Variants in WWOX observed in about 807,000 individuals in gnomAD.
WWOX encodes the protein WW domain containing oxidoreductase.
A neutral mutation model predicts 46.2 loss-of-function variants in WWOX; 69 were observed. The observed-to-expected ratio is 1.49, with a 90% CI of 1.23 to 1.82. The LOEUF is 1.82. Among genes scored for constraint, WWOX ranks in the 40% most tolerant of loss-of-function variants. WWOX has a pLI of 0.00. For missense variants in WWOX, 919 were observed against 542.6 expected, an observed-to-expected ratio of 1.69 and a Z score of -6.89; for synonymous variants, 359 against 202.6, an observed-to-expected ratio of 1.77 and a Z score of -6.56.
chr16:78,328,859 TTTCTC>T (rs923977703), intron 5 of WWOX, among the ~76,000 whole-genome samples: 9 of 152,086 alleles, frequency 5.9e-5, no homozygotes, highest in South Asian at 2.1e-4. Context: ...TTTCTTTTCT[TTTCTC>T]TTCTCTTCTT....
At chr16:78,765,385 C>T (rs144249872) in intron 8 of WWOX, among the ~76,000 whole-genome samples, 10 of 152,260 alleles carry the variant, frequency 6.6e-5, no homozygotes, top group Middle Eastern at 3.4e-3. Flanking sequence ...GAAATTTCCA[C>T]GTAAGATTCG....
intron 8 of WWOX, among the ~76,000 whole-genome samples, chr16:78,693,466 TTTTCCACA>T (rs1174624587): frequency 6.6e-6 from 1 of 152,202 alleles, no homozygotes; most frequent in Non-Finnish European, 1.5e-5. Context: ...GCTTCTATTT[TTTTCCACA>T]TAATCCCTAA....
chr16:78,389,238 C>G (rs1446508260), intron 6 of WWOX, among the ~76,000 whole-genome samples: 3 of 152,250 alleles, frequency 2.0e-5, no homozygotes, highest in Non-Finnish European at 4.4e-5. Context: ...GGCTGCAACA[C>G]TAGCATTCAA....
At chr16:78,691,679 G>A (rs959923973) in intron 8 of WWOX, among the ~76,000 whole-genome samples, 13 of 152,164 alleles carry the variant, frequency 8.5e-5, no homozygotes, top group Admixed American at 5.2e-4. Context: ...CTGTACTCCA[G>A]CCTGGGCAAC....
At chr16:79,091,344 A>G (rs558594930) in intron 8 of WWOX, among the ~76,000 whole-genome samples, 2 of 152,000 alleles carry the variant, frequency 1.3e-5, no homozygotes, top group South Asian at 4.1e-4. Context: ...TTTTTTTGTA[A>G]TCTCATTCCT....
intron 8 of WWOX, chr16:78,552,084 A>G (rs965169121): frequency 3.9e-5 from 6 of 152,210 alleles, no homozygotes; most frequent in African/African-American, 1.4e-4. Context: ...CCCTCTGGAA[A>G]GAAAATGGTG....
chr16:78,671,876 A>C (rs1217938994), intron 8 of WWOX, among the ~76,000 whole-genome samples: 2 of 152,240 alleles, frequency 1.3e-5, no homozygotes, highest in African/African-American at 4.8e-5. Flanking sequence ...CATCTTAAAA[A>C]GTGGTGAGGT....
At chr16:78,384,219 T>C (rs2082014504) in intron 5 of WWOX, among the ~76,000 whole-genome samples, 1 of 152,178 alleles carries the variant, frequency 6.6e-6, no homozygotes, top group African/African-American at 2.4e-5. Flanking sequence ...CACAGCATAA[T>C]GAATGGCTGC....
At chr16:78,820,933 C>G (rs1428506259) in intron 8 of WWOX, among the ~76,000 whole-genome samples, 1 of 152,214 alleles carries the variant, frequency 6.6e-6, no homozygotes, top group Non-Finnish European at 1.5e-5. Flanking sequence ...ACCTTCTCCT[C>G]TGGCTTTGTG....
At chr16:78,383,010 A>C (rs540369658) in intron 5 of WWOX, among the ~76,000 whole-genome samples, 1 of 151,448 alleles carries the variant, frequency 6.6e-6, no homozygotes, top group African/African-American at 2.4e-5. Context: ...CAGGAGCAGG[A>C]GGACGAATAG....
chr16:78,567,273 C>A (rs529745884), intron 8 of WWOX, among the ~76,000 whole-genome samples: 3 of 151,958 alleles, frequency 2.0e-5, no homozygotes, highest in Non-Finnish European at 4.4e-5. Flanking sequence ...TGGTTGGGCG[C>A]GGTGGCTCAC....
intron 8 of WWOX, among the ~76,000 whole-genome samples, chr16:78,654,209 G>C (rs777551214): frequency 6.6e-6 from 1 of 151,298 alleles, no homozygotes; most frequent in African/African-American, 2.4e-5. Context: ...TGGGCGATTT[G>C]AATAGAGCTC....
intron 8 of WWOX, among the ~76,000 whole-genome samples, chr16:78,459,541 C>G (rs1259176521): frequency 6.6e-6 from 1 of 152,126 alleles, no homozygotes; most frequent in Non-Finnish European, 1.5e-5. Context: ...AAACTCTGTG[C>G]ACATGAATAT....
At position 78,786,185 on chromosome 16, in the gene WWOX, C is replaced by G. The variant is rs762736391; in HGVS notation, c.1056+353433C>G. 3.3e-5 allele frequency among the ~76,000 whole-genome samples: 5 copies of G among 152,242 alleles called. No individual in the cohort carries two copies. The South Asian group carries it at 1.0e-3, about 31-fold the overall frequency. ...TCCGCCTCCCAAAGTGCTGGGATTACAGGCGTGAGCCACCGCGCCTGGCCT... is the reference window on the plus strand; with the variant it reads ...TCCGCCTCCCAAAGTGCTGGGATTAGAGGCGTGAGCCACCGCGCCTGGCCT... On this transcript the variant is annotated intron_variant, in intron 8 of 8. Transcript: ENST00000566780.
intron 5 of WWOX, among the ~76,000 whole-genome samples, chr16:78,290,181 T>C (rs976401230): frequency 2.6e-5 from 4 of 152,148 alleles, no homozygotes; most frequent in African/African-American, 9.7e-5. Flanking sequence ...ATCCGAGGCC[T>C]TGGAATTGGT....
intron 4 of WWOX, among the ~76,000 whole-genome samples, chr16:78,148,043 A>G (rs1350385633): frequency 6.6e-6 from 1 of 152,096 alleles, no homozygotes; most frequent in Non-Finnish European, 1.5e-5. Context: ...CGGAGGCCTC[A>G]ATGGTGAAAG....
chr16:78,572,636 T>C (rs1239347717), intron 8 of WWOX, among the ~76,000 whole-genome samples: 1 of 132,204 alleles, frequency 7.6e-6, no homozygotes, highest in East Asian at 2.2e-4. Context: ...AGCATTTACA[T>C]AGGAGAATAT....
chr16:78,591,148 C>T (rs972169212), intron 8 of WWOX, among the ~76,000 whole-genome samples: 1 of 152,146 alleles, frequency 6.6e-6, no homozygotes. Context: ...TTTCACCCCC[C>T]TTTCTCCCTT....
At chr16:78,700,775 G>T (rs904441043) in intron 8 of WWOX, among the ~76,000 whole-genome samples, 1 of 152,212 alleles carries the variant, frequency 6.6e-6, no homozygotes, top group Admixed American at 6.5e-5. Context: ...CGCTAGCATG[G>T]TGCTTGGCAC....
Sources: gnomAD v4.1 joint callset for allele counts (sites outside exome capture counted in the v4.1 genomes callset) on GRCh38, gnomAD v4.1.1 for gene constraint, MANE v1.5 for transcripts, NCBI Gene and HGNC (gene_info 2026-07-23, HGNC 2026-07-21) for gene names.